Variants in ALK observed in about 807,000 individuals in gnomAD.
The protein encoded by ALK is ALK tyrosine kinase receptor.
In ALK, 74 loss-of-function variants were observed where a neutral mutation model predicts 163.1. The observed-to-expected ratio is 0.45, with a 90% CI of 0.38 to 0.55. ALK has a LOEUF of 0.55. ALK is among the 20% of genes least tolerant of loss of function. ALK has a pLI of 0.00. For synonymous variants in ALK, 960 were observed against 843.2 expected (o/e 1.14, Z -2.40); for missense variants, 2,063 against 2,105.3 (o/e 0.98, Z 0.39).
intron 3 of ALK, among the ~76,000 whole-genome samples, chr2:29,669,339 C>T (rs2339528): frequency 1 from 152,198 of 152,198 alleles, 76,099 homozygotes; most frequent in Non-Finnish European, 1. Flanking sequence ...GACCCCTTTA[C>T]TTTATATAGT....
chr2:29,303,079 C>T (rs1666414343), intron 8 of ALK, among the ~76,000 whole-genome samples: 1 of 152,126 alleles, frequency 6.6e-6, no homozygotes, highest in Non-Finnish European at 1.5e-5. Flanking sequence ...GAGTTTATAA[C>T]AGCCTACAGA....
intron 3 of ALK, among the ~76,000 whole-genome samples, chr2:29,638,875 T>G (rs1676620834): frequency 6.6e-6 from 1 of 152,182 alleles, no homozygotes. Context: ...ATGCAGAGAA[T>G]GAGGCTCCTT....
intron 1 of ALK, among the ~76,000 whole-genome samples, chr2:29,748,890 C>T (rs939028031): frequency 2.6e-5 from 4 of 152,064 alleles, no homozygotes; most frequent in South Asian, 2.1e-4. Flanking sequence ...GGATTACAGT[C>T]GCGAGCCATT....
At chr2:29,478,645 G>C (rs937037070) in intron 4 of ALK, among the ~76,000 whole-genome samples, 1 of 152,226 alleles carries the variant, frequency 6.6e-6, no homozygotes, top group African/African-American at 2.4e-5. Context: ...AGTTTACACT[G>C]CCAGGTGATT....
At chr2:29,259,878 A>C (rs1016317776) in intron 11 of ALK, among the ~76,000 whole-genome samples, 1 of 151,964 alleles carries the variant, frequency 6.6e-6, no homozygotes, top group African/African-American at 2.4e-5. Context: ...TCTATGTTGG[A>C]TCTTCATGTA....
intron 4 of ALK, among the ~76,000 whole-genome samples, chr2:29,500,662 C>T (rs1185103380): frequency 2.0e-5 from 3 of 152,108 alleles, no homozygotes; most frequent in African/African-American, 7.2e-5. Flanking sequence ...CCAGGAACTT[C>T]ATGGACATCA....
intron 4 of ALK, among the ~76,000 whole-genome samples, chr2:29,457,302 T>A (rs1414227670): frequency 6.6e-6 from 1 of 152,126 alleles, no homozygotes; most frequent in African/African-American, 2.4e-5. Context: ...TCTGCCCATC[T>A]ATGCTCAGGT....
chr2:29,490,502 T>A (rs552280255), intron 4 of ALK, among the ~76,000 whole-genome samples: 1 of 152,306 alleles, frequency 6.6e-6, no homozygotes, highest in East Asian at 1.9e-4. Flanking sequence ...TTATTAGGCC[T>A]CGTTCCAGCC....
At chr2:29,266,730 A>G (rs1665231968) in intron 11 of ALK, among the ~76,000 whole-genome samples, 1 of 152,194 alleles carries the variant, frequency 6.6e-6, no homozygotes, top group Non-Finnish European at 1.5e-5. Context: ...CAATTCACTT[A>G]CTGTCTTGCT....
At chr2:29,349,157 G>A (rs546126352) in intron 5 of ALK, among the ~76,000 whole-genome samples, 2 of 152,304 alleles carry the variant, frequency 1.3e-5, no homozygotes, top group East Asian at 3.9e-4. Context: ...AGGGGTTGCA[G>A]GGTCGCCCTC....
chr2:29,342,082 T>C (rs967570026), intron 5 of ALK, among the ~76,000 whole-genome samples: 8 of 152,158 alleles, frequency 5.3e-5, no homozygotes, highest in African/African-American at 1.9e-4. Flanking sequence ...ATTCCTTCAA[T>C]GAATATGACC....
chr2:29,499,103 G>C (rs1032834630), intron 4 of ALK, among the ~76,000 whole-genome samples: 1 of 152,178 alleles, frequency 6.6e-6, no homozygotes, highest in Non-Finnish European at 1.5e-5. Flanking sequence ...CAAATTAGAA[G>C]GCAGGAGTTC....
chr2:29,668,569 T>C (rs1053184271), intron 3 of ALK, among the ~76,000 whole-genome samples: 1 of 152,154 alleles, frequency 6.6e-6, no homozygotes, highest in Admixed American at 6.6e-5. Context: ...CCAAGGTTAC[T>C]CTTCTTATTA....
At position 29,197,556 on chromosome 2, in the gene ALK, G is replaced by T. The variant is rs1352529334; in HGVS notation, c.4059C>A (p.Asn1353Lys). 2 of 1,613,546 alleles carry T rather than the reference G, an allele frequency of 1.2e-6. No homozygotes were observed. The highest frequency in any genetic ancestry group is 4.5e-5 in the East Asian group (2 of 44,898). The change falls in exon 27 of 29, where the codon AAC (asparagine) becomes AAA (lysine). Residue 1353 changes from asparagine to lysine, a missense_variant. Asn to Lys is a moderately conservative substitution (Grantham distance 94). This residue lies in a region of ALK where 403 missense variants were observed against 366.2 expected (regional missense o/e 1.10). Coordinates refer to ENST00000389048, the MANE Select transcript of ALK (RefSeq NM_004304.5). ...TSGGRMDPPK[N>K]CPGPVYRIMT... The stretch of plus-strand genomic sequence containing the variant: ...AAGAGTCATACACAGGCCCAGGGCA[G>T]TTCTTGGGTGGGTCCATCCGGCCTC...
rs1664097034 is a variant in ALK at position 29,228,923 on chromosome 2, C to T, written c.2776G>A (p.Gly926Arg). ...ETRGGFGGGG[G>R]GCSSGGGGGG... Reference sequence around the variant, plus strand: ...CCTCCTCCACCTGAGGAGCACCCCCCTCCACCCCCTCCGAAACCCCCTCTT... The same window carrying T: ...CCTCCTCCACCTGAGGAGCACCCCCTTCCACCCCCTCCGAAACCCCCTCTT... The change falls in exon 16 of 29, where the codon GGG becomes AGG. Residue 926 changes from glycine (G) to arginine (R), a missense_variant. Physicochemically the swap from Gly to Arg is moderately radical, Grantham distance 125 (BLOSUM62 -2). Around this residue, in one of 5 missense-constraint regions of ALK, gnomAD observed 575 missense variants for 626.6 expected, o/e 0.92. Coordinates refer to ENST00000389048, the MANE Select transcript of ALK (RefSeq NM_004304.5). 2.7e-6 allele frequency: 4 copies of T among 1,506,608 alleles called. No homozygotes were observed. The highest frequency in any genetic ancestry group is 2.8e-6 in the Non-Finnish European group (3 of 1,085,222). 93.3% of individuals were successfully genotyped at this position (1,506,608 alleles called of 1,614,324 possible).
chr2:29,883,569 A>G (rs1666918049), intron 1 of ALK, among the ~76,000 whole-genome samples: 1 of 152,228 alleles, frequency 6.6e-6, no homozygotes, highest in South Asian at 2.1e-4. Flanking sequence ...AGGGGCCCTC[A>G]GTAAAGAATG....
chr2:29,263,836 G>C (rs17007760), intron 11 of ALK, among the ~76,000 whole-genome samples: 1 of 152,152 alleles, frequency 6.6e-6, no homozygotes, highest in African/African-American at 2.4e-5. Flanking sequence ...CACTTCTAGG[G>C]CCACTGAATT....
At chr2:29,306,746 G>C (rs568625061) in intron 8 of ALK, among the ~76,000 whole-genome samples, 2 of 152,300 alleles carry the variant, frequency 1.3e-5, no homozygotes, top group Non-Finnish European at 2.9e-5. Context: ...AACGCTTGCT[G>C]ATGCCAGTAA....
At chr2:29,541,489 C>T (rs13009801) in intron 3 of ALK, among the ~76,000 whole-genome samples, 20,908 of 152,086 alleles carry the variant, frequency 0.14, 1,732 homozygotes, top group East Asian at 0.33. Context: ...TGGGGTTTCA[C>T]CATGTTGAAC....
Sources: gnomAD v4.1 joint callset for allele counts (sites outside exome capture counted in the v4.1 genomes callset) on GRCh38, gnomAD v4.1.1 for gene constraint, gnomAD v4.1.1 regional missense constraint, MANE v1.5 for transcripts, NCBI Gene and HGNC (gene_info 2026-07-23, HGNC 2026-07-21) for gene names.